Variants in PDIA5 observed in about 807,000 individuals in gnomAD.
PDIA5 encodes the protein protein disulfide-isomerase A5.
PDIA5 carries 58 observed loss-of-function variants against 77.6 expected under a neutral mutation model. The observed-to-expected ratio is 0.75, with a 90% confidence interval of 0.61 to 0.93. The LOEUF is 0.93. Among genes scored for constraint, PDIA5 ranks in the 40% least tolerant of loss-of-function variants. The pLI, the probability that PDIA5 is intolerant of heterozygous loss-of-function variation, is 0.00. For synonymous variants in PDIA5, 250 were observed against 252.1 expected (o/e 0.99, Z 0.08); for missense variants, 630 against 647.7 (o/e 0.97, Z 0.30).
chr3:123,088,487 A>G (rs1300129604), intron 1 of PDIA5, among the ~76,000 whole-genome samples: 2 of 152,118 alleles, frequency 1.3e-5, no homozygotes, highest in African/African-American at 4.8e-5. Flanking sequence ...GTGCTTCTAG[A>G]TGGGATGGAG....
intron 15 of PDIA5, 69 bp from the exon 16 acceptor site, chr3:123,161,252 T>C: frequency 6.6e-7 from 1 of 1,513,718 alleles, no homozygotes; most frequent in South Asian, 1.2e-5. Context: ...AGATGTGCAA[T>C]CTGTGTTGTG....
intron 1 of PDIA5, among the ~76,000 whole-genome samples, chr3:123,077,371 T>C (rs952120346): frequency 6.6e-6 from 1 of 152,212 alleles, no homozygotes; most frequent in Non-Finnish European, 1.5e-5. Context: ...GCTGTTATTG[T>C]TATCATGGGC....
chr3:123,107,258 T>C (rs1480340896), intron 6 of PDIA5, among the ~76,000 whole-genome samples: 2 of 152,222 alleles, frequency 1.3e-5, no homozygotes, highest in African/African-American at 4.8e-5. Flanking sequence ...TTGAGGCAGA[T>C]CTCTACAATT....
intron 13 of PDIA5, among the ~76,000 whole-genome samples, chr3:123,147,555 G>C (rs1276964287): frequency 6.6e-6 from 1 of 152,168 alleles, no homozygotes; most frequent in African/African-American, 2.4e-5. Flanking sequence ...ACACCAGCTT[G>C]TGGAATGGCA....
intron 1 of PDIA5, among the ~76,000 whole-genome samples, chr3:123,078,613 C>T (rs1231191496): frequency 4.6e-5 from 7 of 152,140 alleles, no homozygotes; most frequent in Admixed American, 4.6e-4. Context: ...TTAAATACTT[C>T]AGTATTTCCT....
Position 123,150,285 on chromosome 3 carries a change from C to G in PDIA5, c.1194C>G (p.Ser398Arg). 3.7e-6 allele frequency: 6 copies of G among 1,613,610 alleles called. No homozygotes were observed. Among genetic ancestry groups the G allele is most frequent in the Non-Finnish European group, 5.1e-6 (6 of 1,179,686 alleles). Residue 398 changes from serine (S) to arginine (R), a missense_variant, in exon 14 of 17, where the codon AGC becomes AGG. Coordinates refer to ENST00000316218, the MANE Select transcript of PDIA5 (RefSeq NM_006810.4). ...PEPTWEEQQT[S>R]VLHLVGDNFR... is the part of the protein sequence containing the mutation. ...CCACGTGGGAAGAGCAGCAGACAAG[C>G]GTGTTGCACCTGGTGGGGGACAACT...
intron 3 of PDIA5, among the ~76,000 whole-genome samples, chr3:123,099,822 C>T (rs973573114): frequency 2.0e-5 from 3 of 152,270 alleles, no homozygotes; most frequent in Non-Finnish European, 2.9e-5. Context: ...CCCCTGTTTC[C>T]TCCCTCTGCT....
intron 11 of PDIA5, among the ~76,000 whole-genome samples, chr3:123,139,767 G>A (rs1935581763): frequency 6.6e-6 from 1 of 152,158 alleles, no homozygotes; most frequent in African/African-American, 2.4e-5. Context: ...CAAACCTTGT[G>A]TGTACAGGTG....
At chr3:123,129,465 T>G (rs1345810357) in intron 10 of PDIA5, among the ~76,000 whole-genome samples, 1 of 152,234 alleles carries the variant, frequency 6.6e-6, no homozygotes, top group African/African-American at 2.4e-5. Flanking sequence ...GCCACTTCAC[T>G]CCCTCTGGAT....
chr3:123,130,585 C>T lies in PDIA5; in HGVS notation c.879C>T (p.His293=), dbSNP rs1935349581. 6.2e-7 allele frequency: 1 copy of T among 1,614,150 alleles called. No individual in the cohort carries two copies. Among genetic ancestry groups the T allele is most frequent in the East Asian group, 2.2e-5 (1 of 44,888 alleles). ...DEDFDQFVKE[H]SSVLVMFHAP... ...ACTTTGACCAGTTTGTGAAGGAACA[C>T]TCCTCTGTCCTCGTCATGTTCCACG... The change falls in exon 11 of 17, where the codon CAC becomes CAT. Residue 293 remains histidine (H), a synonymous_variant. Transcript: ENST00000316218.
chr3:123,155,543 G>GCGTCCCCCAGGCA (rs1936002000), intron 15 of PDIA5, among the ~76,000 whole-genome samples: 1 of 152,164 alleles, frequency 6.6e-6, no homozygotes, highest in East Asian at 1.9e-4. Context: ...GCCTCCAGGC[G>GCGTCCCCCAGGCA]CGTCCCCCAG....
At chr3:123,146,347 T>A in intron 13 of PDIA5, 88 bp downstream of exon 13, 1 of 1,133,942 alleles carries the variant, frequency 8.8e-7, no homozygotes. Context: ...AACTTTATGG[T>A]CAATGTCCTG....
intron 1 of PDIA5, among the ~76,000 whole-genome samples, chr3:123,069,532 A>C (rs1277805477): frequency 6.6e-6 from 1 of 152,178 alleles, no homozygotes; most frequent in African/African-American, 2.4e-5. Context: ...ACAGTTCTGC[A>C]GACCAAAAGT....
intron 11 of PDIA5, among the ~76,000 whole-genome samples, chr3:123,140,076 G>A (rs1935588986): frequency 6.6e-6 from 1 of 152,188 alleles, no homozygotes; most frequent in Admixed American, 6.5e-5. Context: ...TTGAGTGGAA[G>A]CCTGAGTGGC....
Position 123,121,701 on chromosome 3 carries a change from A to C in PDIA5, c.610-2365A>C, listed in dbSNP as rs569866424. On this transcript the variant is annotated intron_variant, in intron 8 of 16. Coordinates refer to ENST00000316218, the MANE Select transcript of PDIA5 (RefSeq NM_006810.4). ...GACTGGAAGGCACCAAGTGGGGGCC[A>C]GGAGAGAACAGCGAGTGTTCCAGAA... 4.6e-5 allele frequency among the ~76,000 whole-genome samples: 7 copies of C among 152,388 alleles called. No individual in the cohort carries two copies. In the South Asian group the frequency reaches 1.0e-3, roughly 23 times the overall value.
At chr3:123,115,560 CAGA>C (rs1203496170) in intron 7 of PDIA5, among the ~76,000 whole-genome samples, 1 of 152,188 alleles carries the variant, frequency 6.6e-6, no homozygotes, top group Non-Finnish European at 1.5e-5. Context: ...TCTCATCTGC[CAGA>C]AGAAACAGCC....
rs200091807 is a variant in PDIA5 at position 123,154,998 on chromosome 3, C to T, written c.1301C>T (p.Pro434Leu). Residue 434 changes from proline to leucine, a missense_variant, in exon 15 of 17, where the codon CCG (proline) becomes CTG (leucine). By Grantham distance (98) the Pro-to-Leu change is moderately conservative (BLOSUM62 -3). Transcript: ENST00000316218. ...PWCPHCKKVI[P>L]HFTATADAFK... is the part of the protein sequence containing the mutation. ...TGCCCACACTGTAAGAAGGTCATTCCGCACTTTACTGCTACTGCTGATGCC... is the reference window on the plus strand; with the variant it reads ...TGCCCACACTGTAAGAAGGTCATTCTGCACTTTACTGCTACTGCTGATGCC... The T allele has an allele frequency of 6.4e-5, 103 of 1,612,622 alleles. No individual in the cohort carries two copies. The highest frequency in any genetic ancestry group is 5.4e-5 in the Non-Finnish European group (64 of 1,178,638).
At position 123,100,822 on chromosome 3, in the gene PDIA5, G is replaced by A. The variant is rs1234971142; in HGVS notation, c.258-1589G>A. 2.0e-5 allele frequency among the ~76,000 whole-genome samples: 3 copies of A among 152,366 alleles called. No homozygotes were observed. The East Asian group carries it at 5.8e-4, about 29-fold the overall frequency. On this transcript the variant is annotated intron_variant, in intron 3 of 16. Transcript: ENST00000316218. ...ATTAGTCCATCTGTTCTGGGCTGGT[G>A]CACAGCTGTGTGAAGCTGATGGCTG...
intron 1 of PDIA5, among the ~76,000 whole-genome samples, chr3:123,074,274 GC>G (rs1463826049): frequency 6.6e-6 from 1 of 152,202 alleles, no homozygotes; most frequent in Admixed American, 6.5e-5. Context: ...TAGTGGGACA[GC>G]CACTGATTAA....
Sources: allele counts gnomAD v4.1 joint callset (sites outside exome capture counted in the v4.1 genomes callset), GRCh38; gene constraint gnomAD v4.1.1; transcripts MANE v1.5; gene names NCBI Gene and HGNC (gene_info 2026-07-23, HGNC 2026-07-21).